Variants in CADM2 observed in about 807,000 individuals in gnomAD.
CADM2 encodes immunoglobulin superfamily member 4D.
CADM2 carries 12 observed loss-of-function variants against 49.8 expected under a neutral mutation model. The observed-to-expected ratio is 0.24, with a 90% CI of 0.15 to 0.39. CADM2 has a LOEUF of 0.39. CADM2 is among the 10% of genes least tolerant of loss of function. The pLI is 1.00. For synonymous variants in CADM2, 214 were observed against 175.4 expected (o/e 1.22, Z -1.74); for missense variants, 378 against 492.3 (o/e 0.77, Z 2.20).
intron 1 of CADM2, among the ~76,000 whole-genome samples, chr3:85,481,906 G>A (rs1170483317): frequency 6.6e-6 from 1 of 151,188 alleles, no homozygotes; most frequent in East Asian, 1.9e-4. Context: ...CGGGAAGAAA[G>A]TTGTACTTCA....
intron 5 of CADM2, among the ~76,000 whole-genome samples, chr3:85,909,948 G>A (rs1717341341): frequency 1.3e-5 from 2 of 152,118 alleles, no homozygotes; most frequent in Admixed American, 1.3e-4. Flanking sequence ...TCTTCTCAAT[G>A]TTTTTTCTGT....
intron 2 of CADM2, among the ~76,000 whole-genome samples, chr3:85,732,048 G>C (rs902470881): frequency 1.5e-5 from 2 of 135,452 alleles, no homozygotes; most frequent in African/African-American, 5.6e-5. Context: ...ATGAGATCAA[G>C]ACCAGGCTGG....
At chr3:85,295,860 T>C (rs1459960093) in intron 1 of CADM2, among the ~76,000 whole-genome samples, 1 of 151,548 alleles carries the variant, frequency 6.6e-6, no homozygotes, top group Non-Finnish European at 1.5e-5. Flanking sequence ...CACACCAGCA[T>C]GGCACATGTA....
chr3:85,731,369 A>G (rs2067923548), intron 2 of CADM2, among the ~76,000 whole-genome samples: 1 of 152,176 alleles, frequency 6.6e-6, no homozygotes, highest in South Asian at 2.1e-4. Flanking sequence ...GCAACTCGCT[A>G]GATTTGAGCA....
intron 1 of CADM2, among the ~76,000 whole-genome samples, chr3:84,987,640 A>G (rs1418405623): frequency 6.6e-6 from 1 of 152,126 alleles, no homozygotes; most frequent in Admixed American, 6.5e-5. Context: ...AGTGAACTGA[A>G]TTAAAACTAG....
chr3:85,176,978 C>T (rs1003936859), intron 1 of CADM2, among the ~76,000 whole-genome samples: 1 of 152,074 alleles, frequency 6.6e-6, no homozygotes, highest in African/African-American at 2.4e-5. Context: ...AAAGCTGTGG[C>T]CACATGAACT....
intron 1 of CADM2, among the ~76,000 whole-genome samples, chr3:85,467,340 A>G (rs1193168411): frequency 1.3e-5 from 2 of 152,180 alleles, no homozygotes; most frequent in South Asian, 2.1e-4. Context: ...ATTACCTATT[A>G]AAATACTAGC....
chr3:85,060,211 A>G (rs1576135658), intron 1 of CADM2, among the ~76,000 whole-genome samples: 1 of 152,040 alleles, frequency 6.6e-6, no homozygotes, highest in Admixed American at 6.6e-5. Flanking sequence ...GCTCACTGCA[A>G]CCTCTGCCTG....
intron 1 of CADM2, among the ~76,000 whole-genome samples, chr3:85,005,430 C>A (rs776106657): frequency 9.2e-5 from 14 of 152,032 alleles, no homozygotes; most frequent in Non-Finnish European, 2.1e-4. Context: ...ACAGAGTGGA[C>A]CTTTGACTTT....
At chr3:85,467,465 A>G (rs2038548671) in intron 1 of CADM2, among the ~76,000 whole-genome samples, 1 of 152,202 alleles carries the variant, frequency 6.6e-6, no homozygotes, top group South Asian at 2.1e-4. Context: ...GTAACTTGTC[A>G]CAAAGCTACT....
At chr3:85,795,713 G>C (rs919994965) in intron 2 of CADM2, among the ~76,000 whole-genome samples, 5 of 152,220 alleles carry the variant, frequency 3.3e-5, no homozygotes, top group African/African-American at 1.2e-4. Context: ...TTTAGGGACA[G>C]TTAGTTATCA....
At chr3:85,744,673 A>G (rs1374985768) in intron 2 of CADM2, among the ~76,000 whole-genome samples, 1 of 152,160 alleles carries the variant, frequency 6.6e-6, no homozygotes, top group African/African-American at 2.4e-5. Flanking sequence ...GTATAAGATC[A>G]GAGCAAGGGC....
intron 1 of CADM2, among the ~76,000 whole-genome samples, chr3:85,196,738 A>T (rs555754030): frequency 6.6e-6 from 1 of 152,092 alleles, no homozygotes; most frequent in Non-Finnish European, 1.5e-5. Flanking sequence ...TCATTTAAAC[A>T]TCTCTATATT....
chr3:86,016,937 T>C (rs1214001684), intron 8 of CADM2, among the ~76,000 whole-genome samples: 4 of 152,050 alleles, frequency 2.6e-5, no homozygotes, highest in African/African-American at 7.2e-5. Flanking sequence ...TTTTTAAAAA[T>C]CTGAACTTTG....
intron 1 of CADM2, among the ~76,000 whole-genome samples, chr3:85,001,848 T>C (rs1228068674): frequency 1.3e-5 from 2 of 152,064 alleles, no homozygotes; most frequent in Non-Finnish European, 2.9e-5. Context: ...CATGTATTCT[T>C]AATCCCACTC....
At chr3:85,575,039 A>G (rs6790699) in intron 1 of CADM2, among the ~76,000 whole-genome samples, 78,192 of 152,034 alleles carry the variant, frequency 0.51, 23,138 homozygotes, top group East Asian at 0.85. Flanking sequence ...ATATTTAGGC[A>G]TGTAATAGTT....
In CADM2 at chr3:85,227,286, T is replaced by C. The variant is rs147315494; in HGVS notation, c.61+267618T>C. On this transcript the variant is annotated intron_variant, in intron 1 of 9. Transcript: ENST00000383699. ...GTCTTTTTGTAGGTCTCTAAGAACT[T>C]GCTTTATGGATCTCAGTGCTCCTGT... 2.0e-3 allele frequency among the ~76,000 whole-genome samples: 303 copies of C among 152,220 alleles called. 6 individuals carry two copies. The highest frequency in any genetic ancestry group is 0.017 in the Admixed American group (258 of 15,292).
At chr3:85,539,398 A>C (rs1017308006) in intron 1 of CADM2, among the ~76,000 whole-genome samples, 3 of 152,106 alleles carry the variant, frequency 2.0e-5, no homozygotes, top group Non-Finnish European at 4.4e-5. Context: ...GAAGCATTTG[A>C]AGTTTTCAGA....
intron 3 of CADM2, among the ~76,000 whole-genome samples, chr3:85,826,021 A>G (rs1430919681): frequency 6.6e-6 from 1 of 152,094 alleles, no homozygotes; most frequent in Non-Finnish European, 1.5e-5. Flanking sequence ...TTACAATTTC[A>G]GTAATATCTC....
Sources: allele counts gnomAD v4.1 joint callset (sites outside exome capture counted in the v4.1 genomes callset), GRCh38; gene constraint gnomAD v4.1.1; transcripts MANE v1.5; gene names NCBI Gene and HGNC (gene_info 2026-07-23, HGNC 2026-07-21).